BOD1L1: variants seen among roughly 807,000 people sequenced by gnomAD.
BOD1L1 encodes the protein biorientation of chromosomes in cell division 1 like 1, also known as biorientation of chromosomes in cell division protein 1-like 1.
Under a neutral mutation model 240.7 loss-of-function variants are expected in BOD1L1, and 86 were observed. The observed-to-expected ratio is 0.36, with a 90% CI of 0.30 to 0.43. BOD1L1 has a LOEUF of 0.43. BOD1L1 is among the 20% of genes least tolerant of loss of function. The pLI is 1.00. For missense variants in BOD1L1, 3,554 were observed against 3,643.5 expected, an observed-to-expected ratio of 0.98 and a Z score of 0.63; for synonymous variants, 1,268 against 1,272.3, an observed-to-expected ratio of 1.00 and a Z score of 0.07.
Position 13,591,969 on chromosome 4 carries a change from G to C in BOD1L1, c.8105-3C>G, listed in dbSNP as rs764220334. On this transcript the variant is annotated splice_polypyrimidine_tract_variant and splice_region_variant and intron_variant, in intron 12 of 25. Coordinates refer to ENST00000040738, the MANE Select transcript of BOD1L1 (RefSeq NM_148894.3). ...CAAAGGCTCCCTCTGGAGTTCAGCT[G>C]TTCAAAAATAAAAATGAGATGTAAA... The C allele has an allele frequency of 6.5e-7, 1 of 1,546,526 alleles. No individual in the cohort carries two copies.
intron 17 of BOD1L1, among the ~76,000 whole-genome samples, chr4:13,583,778 T>C (rs912613627): frequency 2.0e-5 from 3 of 152,238 alleles, no homozygotes; most frequent in Non-Finnish European, 4.4e-5. Flanking sequence ...TGTGGTTATT[T>C]TTGCCGAAAC....
In BOD1L1 at chr4:13,627,479, CGGG is replaced by C; in HGVS notation, c.106_108del (p.Pro36del). The C allele has an allele frequency of 9.8e-7, 1 of 1,024,574 alleles. No individual in the cohort carries two copies. Among genetic ancestry groups the C allele is most frequent in the Non-Finnish European group, 1.2e-6 (1 of 859,978 alleles). The allele number at this position is 1,024,574 out of a possible 1,614,324, so 63.5% of individuals were successfully genotyped here. ...CCCGCGCCGCCCGCCCCGCCCGCGC[CGGG>C]GCCAGCCCCGGGGCCCGGCGGCGGC... On this transcript the variant is annotated inframe_deletion, in exon 1 of 26. Transcript: ENST00000040738.
chr4:13,583,155 G>A (rs1315974424), intron 17 of BOD1L1, among the ~76,000 whole-genome samples: 1 of 152,120 alleles, frequency 6.6e-6, no homozygotes, highest in Non-Finnish European at 1.5e-5. Context: ...GGGAATTTCT[G>A]GGTATCCAGA....
chr4:13,616,932 G>A (rs941044715), intron 2 of BOD1L1, among the ~76,000 whole-genome samples: 2 of 152,262 alleles, frequency 1.3e-5, no homozygotes, highest in Admixed American at 1.3e-4. Flanking sequence ...TCTTAAAAAA[G>A]GTTTTAGGGT....
rs757367520 is a variant in BOD1L1, at chr4:13,614,626, G to A, written c.744C>T (p.Asp248=). The A allele has an allele frequency of 1.1e-5, 17 of 1,613,652 alleles. No homozygotes were observed. In the South Asian group the frequency reaches 1.8e-4, roughly 17 times the overall value. The change falls in exon 4 of 26, where the codon GAC becomes GAT. Residue 248 remains aspartate, a synonymous_variant. Coordinates refer to ENST00000040738, the MANE Select transcript of BOD1L1 (RefSeq NM_148894.3). ...PSQPTTDTST[D]KERTSEDMAD... Reference sequence around the variant, plus strand: ...CCATGTCCTCTGAAGTTCTTTCTTTGTCAGTACTAGTATCAGTGGTTGGCT... The same window carrying A: ...CCATGTCCTCTGAAGTTCTTTCTTTATCAGTACTAGTATCAGTGGTTGGCT...
intron 25 of BOD1L1, among the ~76,000 whole-genome samples, chr4:13,574,151 C>T (rs1007676037): frequency 2.6e-5 from 4 of 152,250 alleles, no homozygotes; most frequent in Admixed American, 2.0e-4. Flanking sequence ...CACAGGGAGG[C>T]CGGCTTCTAC....
At chr4:13,598,093 A>G (rs1490249559) in intron 10 of BOD1L1, among the ~76,000 whole-genome samples, 2 of 152,198 alleles carry the variant, frequency 1.3e-5, no homozygotes, top group East Asian at 1.9e-4. Flanking sequence ...GTCATGCTTT[A>G]AAGTGTCACT....
At position 13,603,308 on chromosome 4, in the gene BOD1L1, C is replaced by G. The variant is rs757769509; in HGVS notation, c.3592G>C (p.Asp1198His). ...TTCTTGGTCAAGGTGCTTCTATGAT[C>G]GGCATGCTTTTCAGAATTACTATTA... is the stretch of plus-strand genomic sequence containing the variant. ...GVNSNSEKHADHRSTLTKKMH... is the reference protein window; with the variant it reads ...GVNSNSEKHAHHRSTLTKKMH... Residue 1198 changes from aspartate (D) to histidine (H), a missense_variant, in exon 10 of 26, where the codon GAT becomes CAT. By Grantham distance (81) the Asp-to-His change is moderately conservative. This residue lies in a region of BOD1L1 where 3,393 missense variants were observed against 3,427.1 expected (regional missense o/e 0.99). Transcript: ENST00000040738. The G allele has an allele frequency of 6.2e-7, 1 of 1,613,980 alleles. No homozygotes were observed.
Position 13,604,560 on chromosome 4 carries a change from C to A in BOD1L1, c.2340G>T (p.Lys780Asn). ...GTTCGGTTTTATCATCTGAAGAAAG[C>A]TTTGTTTGTTGACTTTGCTTTTGAA... Reference protein sequence around the residue: ...ENIQKQSQQTKLSSDDKTERK... With the variant: ...ENIQKQSQQTNLSSDDKTERK... Residue 780 changes from lysine (K) to asparagine (N), a missense_variant, in exon 10 of 26, where the codon AAG (lysine) becomes AAT (asparagine). Lys to Asn is a moderately conservative substitution (Grantham distance 94, BLOSUM62 0). Transcript: ENST00000040738. 6.4e-7 allele frequency: 1 copy of A among 1,555,226 alleles called. No individual in the cohort carries two copies. The highest frequency in any genetic ancestry group is 8.6e-7 in the Non-Finnish European group (1 of 1,159,400).
In BOD1L1 at chr4:13,588,809, A is replaced by G; in HGVS notation, c.8210-17T>C. 6.6e-7 allele frequency: 1 copy of G among 1,509,720 alleles called. No individual in the cohort carries two copies. The allele number at this position is 1,509,720 out of a possible 1,614,324, so 93.5% of individuals were successfully genotyped here. A position where few individuals can be genotyped will look rare whatever the true frequency, so the allele number is the denominator to read the frequency against. On this transcript the variant is annotated splice_polypyrimidine_tract_variant and intron_variant, in intron 14 of 25. Coordinates refer to ENST00000040738, the MANE Select transcript of BOD1L1 (RefSeq NM_148894.3). Reference sequence around the variant, plus strand: ...TGGATATCTCTGAGTAATAAATACAAAAAAGAAAAAAAAATCTTAAATATT... The same window carrying G: ...TGGATATCTCTGAGTAATAAATACAGAAAAGAAAAAAAAATCTTAAATATT...
intron 14 of BOD1L1, among the ~76,000 whole-genome samples, chr4:13,589,117 T>C (rs563454745): frequency 5.9e-5 from 9 of 152,358 alleles, no homozygotes; most frequent in African/African-American, 7.2e-5. Context: ...AGCAACACAG[T>C]ATTAAGAAGC....
In BOD1L1 at chr4:13,613,438, G is replaced by A. The variant is rs144780201; in HGVS notation, c.1324+74C>T. ...TGCTACTATACCACACTGTTTCTCA[G>A]GATATAGCCATCAGAATATACAAAT... is the stretch of plus-strand genomic sequence containing the variant. On this transcript the variant is annotated intron_variant, in intron 5 of 25. Transcript: ENST00000040738. The surrounding 1 kb of genome is among the most constrained non-coding windows in gnomAD (Gnocchi z 4.0). 1 of 1,369,252 alleles carries A rather than the reference G, an allele frequency of 7.3e-7. No homozygotes were observed. The highest frequency in any genetic ancestry group is 1.4e-5 in the African/African-American group (1 of 70,070). The allele number at this position is 1,369,252 out of a possible 1,614,324, so 84.8% of individuals were successfully genotyped here.
intron 17 of BOD1L1, among the ~76,000 whole-genome samples, chr4:13,583,270 T>C (rs1713383326): frequency 6.6e-6 from 1 of 152,062 alleles, no homozygotes; most frequent in African/African-American, 2.4e-5. Flanking sequence ...ATAATACTAA[T>C]ATAGTATATA....
intron 21 of BOD1L1, among the ~76,000 whole-genome samples, chr4:13,580,280 C>T (rs750028888): frequency 2.0e-5 from 3 of 152,200 alleles, no homozygotes; most frequent in Non-Finnish European, 2.9e-5. Flanking sequence ...AATGCATTCA[C>T]ATGTGCTTCT....
chr4:13,603,412 TGAACA>T lies in BOD1L1; in HGVS notation c.3483_3487del (p.Val1162LysfsTer3). 6.2e-7 allele frequency: 1 copy of T among 1,613,744 alleles called. No individual in the cohort carries two copies. Among genetic ancestry groups the T allele is most frequent in the Non-Finnish European group, 8.5e-7 (1 of 1,179,854 alleles). Reference sequence around the variant, plus strand: ...TGTGCAAGTTCTCAATTCATCCTTTTGAACAGTGGCAGAAGTTTTTTGTTTCATAT... The same window carrying T: ...TGTGCAAGTTCTCAATTCATCCTTTTGTGGCAGAAGTTTTTTGTTTCATAT... On this transcript the variant is annotated frameshift_variant, in exon 10 of 26. Coordinates refer to ENST00000040738, the MANE Select transcript of BOD1L1 (RefSeq NM_148894.3). LOFTEE classifies it high-confidence loss of function.
Position 13,602,545 on chromosome 4 carries a change from G to C in BOD1L1, c.4355C>G (p.Ala1452Gly). 1.2e-6 allele frequency: 2 copies of C among 1,613,956 alleles called. No homozygotes were observed. Among genetic ancestry groups the C allele is most frequent in the South Asian group, 1.1e-5 (1 of 91,076 alleles). ...HVVGLNTEKY[A>G]ETVKLKHKRS... ...TTTATGCTTAAGTTTGACAGTTTCA[G>C]CATATTTTTCTGTATTCAGGCCTAC... Residue 1452 changes from alanine to glycine, a missense_variant, in exon 10 of 26, where the codon GCT (alanine) becomes GGT (glycine). Physicochemically the swap from Ala to Gly is moderately conservative, Grantham distance 60. Around this residue, in one of 2 missense-constraint regions of BOD1L1, gnomAD observed 3,393 missense variants for 3,427.1 expected, o/e 0.99. Coordinates refer to ENST00000040738, the MANE Select transcript of BOD1L1 (RefSeq NM_148894.3).
chr4:13,574,076 T>A (rs1226189647), intron 25 of BOD1L1, among the ~76,000 whole-genome samples: 1 of 152,110 alleles, frequency 6.6e-6, no homozygotes, highest in Non-Finnish European at 1.5e-5. Flanking sequence ...GAAGCTGCCC[T>A]CAAATATGTA....
At position 13,604,565 on chromosome 4, in the gene BOD1L1, T is replaced by A; in HGVS notation, c.2335A>T (p.Thr779Ser). 1 of 1,559,382 alleles carries A rather than the reference T, an allele frequency of 6.4e-7. No individual in the cohort carries two copies. ...GTTTTATCATCTGAAGAAAGCTTTGTTTGTTGACTTTGCTTTTGAATATTT... is the reference window on the plus strand; with the variant it reads ...GTTTTATCATCTGAAGAAAGCTTTGATTGTTGACTTTGCTTTTGAATATTT... ...EENIQKQSQQ[T>S]KLSSDDKTER... The change falls in exon 10 of 26, where the codon ACA becomes TCA. Residue 779 changes from threonine to serine, a missense_variant. Physicochemically the swap from Thr to Ser is moderately conservative, Grantham distance 58 (BLOSUM62 1). Coordinates refer to ENST00000040738, the MANE Select transcript of BOD1L1 (RefSeq NM_148894.3).
intron 2 of BOD1L1, among the ~76,000 whole-genome samples, chr4:13,616,070 C>T (rs559404950): frequency 3.9e-4 from 60 of 152,246 alleles, no homozygotes; most frequent in South Asian, 6.2e-4. Context: ...ATTATCTTCC[C>T]GCTGTAAAAA....
Sources: allele counts gnomAD v4.1 joint callset (sites outside exome capture counted in the v4.1 genomes callset), GRCh38; gene constraint gnomAD v4.1.1; regional missense constraint gnomAD v4.1.1; non-coding constraint Gnocchi (gnomAD v3.1); transcripts MANE v1.5; gene names NCBI Gene and HGNC (gene_info 2026-07-23, HGNC 2026-07-21).